The following PREX2 variants were observed in gnomAD, a reference collection of about 807,000 sequenced individuals.
PREX2 encodes phosphatidylinositol 3,4,5-trisphosphate-dependent Rac exchanger 2 protein.
Under a neutral mutation model 203.2 loss-of-function variants are expected in PREX2, and 107 were observed. The observed-to-expected ratio is 0.53, with a 90% CI of 0.45 to 0.62. The LOEUF is 0.62. PREX2 is among the 20% of genes least tolerant of loss of function. The pLI, the probability that PREX2 is intolerant of heterozygous loss-of-function variation, is 0.00. For missense variants in PREX2, 1,777 were observed against 1,955.9 expected, an observed-to-expected ratio of 0.91 and a Z score of 1.72; for synonymous variants, 672 against 663.6, an observed-to-expected ratio of 1.01 and a Z score of -0.19.
intron 1 of PREX2, among the ~76,000 whole-genome samples, chr8:67,982,763 A>AT (rs1431743718): frequency 1.3e-5 from 2 of 152,048 alleles, no homozygotes; most frequent in Non-Finnish European, 2.9e-5. Flanking sequence ...ACTTTATAAA[A>AT]TTTTTCTGAC....
chr8:68,012,122 G>A (rs1363682551), intron 1 of PREX2, among the ~76,000 whole-genome samples: 1 of 152,080 alleles, frequency 6.6e-6, no homozygotes, highest in Non-Finnish European at 1.5e-5. Context: ...CATACCAATC[G>A]TATGCTGACA....
chr8:68,222,896 C>T (rs918760935), intron 38 of PREX2, among the ~76,000 whole-genome samples: 7 of 152,260 alleles, frequency 4.6e-5, no homozygotes, highest in Admixed American at 6.5e-5. Flanking sequence ...TGAATCTAAT[C>T]GTGAGCAAAC....
chr8:68,227,300 G>A (rs1346307197), intron 39 of PREX2, among the ~76,000 whole-genome samples: 1 of 152,164 alleles, frequency 6.6e-6, no homozygotes, highest in African/African-American at 2.4e-5. Context: ...ATTGGATAAA[G>A]GAGTTTAGGG....
At chr8:68,119,608 G>C (rs1240804949) in intron 28 of PREX2, 94 bp downstream of exon 28, 1 of 860,902 alleles carries the variant, frequency 1.2e-6, no homozygotes, top group African/African-American at 1.7e-5. Flanking sequence ...AGTTAGAACA[G>C]AAAGGCCTCA....
At chr8:68,005,772 A>T (rs895682920) in intron 1 of PREX2, among the ~76,000 whole-genome samples, 4 of 152,160 alleles carry the variant, frequency 2.6e-5, no homozygotes. Flanking sequence ...TTAGTGGTTT[A>T]TTCATCTTTG....
At chr8:68,119,541 T>C (rs781752679) in intron 28 of PREX2, 27 bp downstream of exon 28, 7 of 1,539,126 alleles carry the variant, frequency 4.5e-6, no homozygotes, top group South Asian at 2.2e-5. Flanking sequence ...GTGGGGCTTT[T>C]GTTCCACAAC....
At position 68,232,137 on chromosome 8, in the gene PREX2, G is replaced by T. The variant is rs913696403; in HGVS notation, c.*759G>T. The T allele has an allele frequency of 1.3e-5, 2 of 152,184 alleles. No homozygotes were observed. The highest frequency in any genetic ancestry group is 6.6e-5 in the Admixed American group (1 of 15,262). The allele number at this position is 152,184 out of a possible 1,614,324, so 9.4% of individuals were successfully genotyped here. On this transcript the variant is annotated 3_prime_UTR_variant, in exon 40 of 40. Transcript: ENST00000288368. ...TGAATACTGGGTGCTGTGCCATAATGGCCCTGGGGATCAGGGAAGTGCCCT... is the reference window on the plus strand; with the variant it reads ...TGAATACTGGGTGCTGTGCCATAATTGCCCTGGGGATCAGGGAAGTGCCCT...
At chr8:68,112,800 C>T (rs78040579) in intron 25 of PREX2, among the ~76,000 whole-genome samples, 4,341 of 152,146 alleles carry the variant, frequency 0.029, 206 homozygotes, top group African/African-American at 0.099. Flanking sequence ...CCTACCCCAC[C>T]TCTAAAATGG....
At chr8:68,027,830 A>G (rs1470384447) in intron 5 of PREX2, among the ~76,000 whole-genome samples, 1 of 152,098 alleles carries the variant, frequency 6.6e-6, no homozygotes, top group Non-Finnish European at 1.5e-5. Flanking sequence ...GATTGCTAAG[A>G]AAACATTGCC....
intron 39 of PREX2, among the ~76,000 whole-genome samples, chr8:68,224,841 T>C (rs1813027349): frequency 6.6e-6 from 1 of 152,106 alleles, no homozygotes; most frequent in African/African-American, 2.4e-5. Flanking sequence ...AGTTCTATCA[T>C]GAATTCAAAA....
At chr8:67,983,533 T>G (rs757269043) in intron 1 of PREX2, among the ~76,000 whole-genome samples, 2 of 152,226 alleles carry the variant, frequency 1.3e-5, no homozygotes, top group Non-Finnish European at 2.9e-5. Flanking sequence ...GTGAACTTCC[T>G]ATATAGTTCA....
At chr8:68,224,521 C>T in intron 38 of PREX2, 38 bp from the exon 39 acceptor site, 1 of 1,500,944 alleles carries the variant, frequency 6.7e-7, no homozygotes, top group Non-Finnish European at 9.3e-7. Flanking sequence ...TTATTACTAA[C>T]ACACTGTAGG....
intron 30 of PREX2, 50 bp from the exon 31 acceptor site, chr8:68,127,328 T>C: frequency 7.1e-7 from 1 of 1,401,212 alleles, no homozygotes; most frequent in African/African-American, 1.4e-5. Context: ...AATATGGTAT[T>C]TGTGACAGAA....
chr8:67,967,458 A>G (rs1176771920), intron 1 of PREX2, among the ~76,000 whole-genome samples: 1 of 152,192 alleles, frequency 6.6e-6, no homozygotes. Context: ...TGTTTTGTCA[A>G]TAAGGTTTCA....
At chr8:68,120,087 T>C (rs529435094) in intron 28 of PREX2, 109 bp from the exon 29 acceptor site, 329 of 672,990 alleles carry the variant, frequency 4.9e-4, no homozygotes, top group Non-Finnish European at 7.6e-4. Flanking sequence ...TCATGGGGTT[T>C]CAAAAATAAT....
At chr8:67,975,415 C>T (rs1310371137) in intron 1 of PREX2, among the ~76,000 whole-genome samples, 2 of 151,694 alleles carry the variant, frequency 1.3e-5, no homozygotes, top group East Asian at 3.9e-4. Flanking sequence ...AATGCAGTGC[C>T]AGGCCTATAG....
At position 67,952,554 on chromosome 8, in the gene PREX2, C is replaced by T. The variant is rs894330776; in HGVS notation, c.141+19C>T. On this transcript the variant is annotated intron_variant, in intron 1 of 39. Coordinates refer to ENST00000288368, the MANE Select transcript of PREX2 (RefSeq NM_024870.4). ...GGTGTCGGTGAGTGTCCCCGGCAGA[C>T]GCAGGGGGACGTCCGGGCGGCGCGG... is the stretch of plus-strand genomic sequence containing the variant. The T allele has an allele frequency of 2.5e-6, 4 of 1,603,756 alleles. No individual in the cohort carries two copies. Among genetic ancestry groups the T allele is most frequent in the Admixed American group, 1.7e-5 (1 of 58,946 alleles).
chr8:68,231,411 C>A lies in PREX2; in HGVS notation c.*33C>A, dbSNP rs1296757445. The A allele has an allele frequency of 1.3e-6, 2 of 1,584,258 alleles. No individual in the cohort carries two copies. The highest frequency in any genetic ancestry group is 1.2e-5 in the South Asian group (1 of 86,688). ...TCCCAAGAAACCAGGCAGGCAGAAG[C>A]TCCTGAATGCTGGACTAGACAAACT... On this transcript the variant is annotated 3_prime_UTR_variant, in exon 40 of 40. Coordinates refer to ENST00000288368, the MANE Select transcript of PREX2 (RefSeq NM_024870.4).
intron 1 of PREX2, among the ~76,000 whole-genome samples, chr8:67,988,994 T>G (rs1161391024): frequency 6.6e-6 from 1 of 152,204 alleles, no homozygotes; most frequent in Non-Finnish European, 1.5e-5. Flanking sequence ...TTGGCCAGAT[T>G]CACAGGCCAC....
Sources: gnomAD v4.1 joint callset for allele counts (sites outside exome capture counted in the v4.1 genomes callset) on GRCh38, gnomAD v4.1.1 for gene constraint, MANE v1.5 for transcripts, NCBI Gene and HGNC (gene_info 2026-07-23, HGNC 2026-07-21) for gene names.